The following CNTNAP2 variants were observed in gnomAD, a reference collection of about 807,000 sequenced individuals.
CNTNAP2 encodes contactin-associated protein-like 2.
A neutral mutation model predicts 155.2 loss-of-function variants in CNTNAP2; 98 were observed. The observed-to-expected ratio is 0.63, with a 90% CI of 0.54 to 0.75. The LOEUF (loss-of-function observed/expected upper bound fraction) is 0.75. Among genes scored for constraint, CNTNAP2 ranks in the 30% least tolerant of loss-of-function variants. The pLI is 0.00. For missense variants in CNTNAP2, 1,727 were observed against 1,688.1 expected (o/e 1.02, Z -0.40); for synonymous variants, 651 against 631.2 (o/e 1.03, Z -0.47).
chr7:146,819,544 A>G (rs144170445), intron 2 of CNTNAP2, among the ~76,000 whole-genome samples: 341 of 152,174 alleles, frequency 2.2e-3, no homozygotes, highest in African/African-American at 7.8e-3. Context: ...CTTGGACAGC[A>G]CTTCTTTCAC....
chr7:146,520,988 T>A (rs936852434), intron 1 of CNTNAP2, among the ~76,000 whole-genome samples: 4 of 151,896 alleles, frequency 2.6e-5, no homozygotes, highest in Admixed American at 1.3e-4. Context: ...TAATTATCCT[T>A]CAAAAATCTT....
At chr7:146,467,356 A>C (rs906339039) in intron 1 of CNTNAP2, among the ~76,000 whole-genome samples, 3 of 152,196 alleles carry the variant, frequency 2.0e-5, no homozygotes, top group Non-Finnish European at 4.4e-5. Flanking sequence ...GTAATTAGTT[A>C]AAATATGCTT....
At chr7:147,947,531 G>A (rs1217477102) in intron 14 of CNTNAP2, among the ~76,000 whole-genome samples, 1 of 151,908 alleles carries the variant, frequency 6.6e-6, no homozygotes, top group Middle Eastern at 3.2e-3. Flanking sequence ...AGGAGGCTGA[G>A]GTGGGAAGAA....
chr7:147,241,489 G>A (rs113533460), intron 8 of CNTNAP2, among the ~76,000 whole-genome samples: 1,740 of 152,026 alleles, frequency 0.011, 23 homozygotes, highest in African/African-American at 0.031. Context: ...TTACCTGGGC[G>A]TGGTTGCATG....
intron 9 of CNTNAP2, among the ~76,000 whole-genome samples, chr7:147,305,418 C>T (rs1795010528): frequency 1.3e-5 from 2 of 152,178 alleles, no homozygotes; most frequent in African/African-American, 4.8e-5. Context: ...ATGGAATACA[C>T]TCCATGAAAA....
At chr7:147,008,119 C>G (rs1421910072) in intron 3 of CNTNAP2, among the ~76,000 whole-genome samples, 1 of 152,078 alleles carries the variant, frequency 6.6e-6, no homozygotes, top group Non-Finnish European at 1.5e-5. Context: ...CCCTAACATT[C>G]TATTCATTAT....
At chr7:148,217,626 T>C (rs1795669403) in intron 19 of CNTNAP2, 102 bp downstream of exon 19, 3 of 1,271,930 alleles carry the variant, frequency 2.4e-6, no homozygotes, top group Non-Finnish European at 3.4e-6. Context: ...TTATTCCCCA[T>C]AGGCTTTTTT....
intron 1 of CNTNAP2, among the ~76,000 whole-genome samples, chr7:146,770,288 A>G (rs928608771): frequency 6.0e-5 from 9 of 150,108 alleles, no homozygotes; most frequent in Non-Finnish European, 1.2e-4. Flanking sequence ...ATGTAGCGAA[A>G]TGGAATTATA....
rs1364771338 is a variant in CNTNAP2 at position 146,477,671 on chromosome 7, ACACATCT to A, written c.98-296599_98-296593del. On this transcript the variant is annotated intron_variant, in intron 1 of 23. Coordinates refer to ENST00000361727, the MANE Select transcript of CNTNAP2 (RefSeq NM_014141.6). ...CACACACACACACACACACACACAC[ACACATCT>A]TCTGGATTGTATACTAAAAATTTAT... Among the ~76,000 whole-genome samples, 3 of 142,694 alleles carry A rather than the reference ACACATCT, an allele frequency of 2.1e-5. No homozygotes were observed. In the East Asian group the frequency reaches 6.0e-4, roughly 28 times the overall value. The allele number at this position is 142,694 out of a possible 152,430, so 93.6% of individuals were successfully genotyped here. A position where few individuals can be genotyped will look rare whatever the true frequency, so the allele number is the denominator to read the frequency against.
intron 3 of CNTNAP2, among the ~76,000 whole-genome samples, chr7:147,023,727 C>T (rs975122408): frequency 6.6e-6 from 1 of 152,304 alleles, no homozygotes; most frequent in African/African-American, 2.4e-5. Context: ...AGGCATCTGC[C>T]CTCCTTGGGC....
chr7:146,749,165 C>T (rs1003564911), intron 1 of CNTNAP2, among the ~76,000 whole-genome samples: 11 of 151,608 alleles, frequency 7.3e-5, no homozygotes, highest in South Asian at 6.3e-4. Flanking sequence ...TACATGTATG[C>T]GTATGTGTAT....
intron 13 of CNTNAP2, among the ~76,000 whole-genome samples, chr7:147,645,630 T>C (rs188997505): frequency 2.0e-5 from 3 of 152,282 alleles, no homozygotes; most frequent in Admixed American, 2.0e-4. Flanking sequence ...TAAGCAACTA[T>C]TTCAACAATA....
At chr7:146,958,412 T>G (rs1797483528) in intron 3 of CNTNAP2, among the ~76,000 whole-genome samples, 1 of 133,510 alleles carries the variant, frequency 7.5e-6, no homozygotes, top group African/African-American at 3.0e-5. Flanking sequence ...TTATGGTTTT[T>G]TTTTTTTTTT....
intron 14 of CNTNAP2, among the ~76,000 whole-genome samples, chr7:147,945,922 C>T (rs1251241308): frequency 5.9e-5 from 8 of 135,364 alleles, no homozygotes; most frequent in African/African-American, 2.2e-4. Flanking sequence ...GGCTGGAGTG[C>T]GGTGGTGCCA....
At chr7:147,424,298 A>C (rs2116514679) in intron 10 of CNTNAP2, among the ~76,000 whole-genome samples, 1 of 152,296 alleles carries the variant, frequency 6.6e-6, no homozygotes, top group African/African-American at 2.4e-5. Context: ...CTATTTCAAA[A>C]AGACTTTCAT....
At chr7:146,885,248 T>C (rs1795633059) in intron 3 of CNTNAP2, among the ~76,000 whole-genome samples, 1 of 152,154 alleles carries the variant, frequency 6.6e-6, no homozygotes, top group Non-Finnish European at 1.5e-5. Context: ...TTGATTCCAA[T>C]AAAATAAAAA....
At chr7:148,363,981 C>G (rs1179508189) in intron 21 of CNTNAP2, among the ~76,000 whole-genome samples, 1 of 152,162 alleles carries the variant, frequency 6.6e-6, no homozygotes, top group East Asian at 1.9e-4. Flanking sequence ...TGTACTGGGT[C>G]CCCCAGCAGT....
chr7:146,151,686 A>ATGTG (rs1562969087), intron 1 of CNTNAP2, among the ~76,000 whole-genome samples: 4 of 54,734 alleles, frequency 7.3e-5, no homozygotes, highest in African/African-American at 4.2e-4. Flanking sequence ...ATATATGTAT[A>ATGTG]TATATATATA....
intron 1 of CNTNAP2, among the ~76,000 whole-genome samples, chr7:146,516,618 G>A (rs1039133720): frequency 1.3e-5 from 2 of 151,742 alleles, no homozygotes; most frequent in East Asian, 3.9e-4. Flanking sequence ...TAATCTATAC[G>A]ACTATTAAAG....
Sources: allele counts gnomAD v4.1 joint callset (sites outside exome capture counted in the v4.1 genomes callset), GRCh38; gene constraint gnomAD v4.1.1; transcripts MANE v1.5; gene names NCBI Gene and HGNC (gene_info 2026-07-23, HGNC 2026-07-21).